The following RNASEH1 variants were observed in gnomAD, a reference collection of about 807,000 sequenced individuals.
RNASEH1 encodes ribonuclease H type II.
A neutral mutation model predicts 34.6 loss-of-function variants in RNASEH1; 27 were observed. The ratio of observed to expected loss-of-function variants is 0.78; its 90% CI spans 0.58 to 1.08. RNASEH1 has a LOEUF of 1.08. Ranked by LOEUF, RNASEH1 falls within the 50% of genes least tolerant of loss-of-function variation. The pLI is 0.00. For synonymous variants in RNASEH1, 162 were observed against 138.4 expected (o/e 1.17, Z -1.20); for missense variants, 349 against 373.6 (o/e 0.93, Z 0.54).
intron 7 of RNASEH1, 75 bp downstream of exon 7, chr2:3,547,856 T>TA (rs1210713276): frequency 5.7e-6 from 8 of 1,394,826 alleles, no homozygotes; most frequent in Non-Finnish European, 7.1e-6. Flanking sequence ...ACCACTTACA[T>TA]AAACCATTAA....
chr2:3,545,485 C>A lies in RNASEH1; in HGVS notation c.*300G>T. 2.9e-6 allele frequency: 1 copy of A among 340,600 alleles called. No individual in the cohort carries two copies. Among genetic ancestry groups the A allele is most frequent in the Non-Finnish European group, 5.4e-6 (1 of 186,090 alleles). 21.1% of individuals were successfully genotyped at this position (340,600 alleles called of 1,614,324 possible). A position where few individuals can be genotyped will look rare whatever the true frequency, so the allele number is the denominator to read the frequency against. Reference sequence around the variant, plus strand: ...TTTCTTATCAAAATATAAGCCACAGCATTTTAGGCCATTTGCCTTGCTTGC... The same window carrying A: ...TTTCTTATCAAAATATAAGCCACAGAATTTTAGGCCATTTGCCTTGCTTGC... On this transcript the variant is annotated 3_prime_UTR_variant, in exon 8 of 8. Coordinates refer to ENST00000315212, the MANE Select transcript of RNASEH1 (RefSeq NM_002936.6).
At chr2:3,547,413 T>C (rs959114573) in intron 7 of RNASEH1, among the ~76,000 whole-genome samples, 7 of 152,008 alleles carry the variant, frequency 4.6e-5, no homozygotes, top group African/African-American at 1.7e-4. Flanking sequence ...TTGGCTTAAG[T>C]AGTCAGGCCA....
At chr2:3,549,026 A>C (rs890347834) in intron 5 of RNASEH1, 32 bp downstream of exon 5, 1 of 1,571,430 alleles carries the variant, frequency 6.4e-7, no homozygotes, top group Non-Finnish European at 8.7e-7. Flanking sequence ...AATGCTCAAA[A>C]AAGAGAGGCT....
downstream of RNASEH1, among the ~76,000 whole-genome samples, chr2:3,537,728 A>G (rs1668057371): frequency 6.6e-6 from 1 of 152,064 alleles, no homozygotes; most frequent in Non-Finnish European, 1.5e-5. Flanking sequence ...CTCAAAAGAA[A>G]AAAAAAAAGA....
At position 3,552,286 on chromosome 2, in the gene RNASEH1, T is replaced by C. The variant is rs1415890281; in HGVS notation, c.267A>G (p.Gln89=). The part of the protein sequence containing the change: ...VSEGHENQHG[Q]ESEAKASKRL... The stretch of plus-strand genomic sequence containing the variant: ...GCTTGCTGGCTTTCGCCTCCGATTC[T>C]TGTCCATGTTGATTTTCATGCCCTG... Residue 89 remains glutamine, a synonymous_variant, in exon 3 of 8, where the codon CAA becomes CAG. Coordinates refer to ENST00000315212, the MANE Select transcript of RNASEH1 (RefSeq NM_002936.6). 3 of 1,613,672 alleles carry C rather than the reference T, an allele frequency of 1.9e-6. No individual in the cohort carries two copies. Among genetic ancestry groups the C allele is most frequent in the Non-Finnish European group, 1.7e-6 (2 of 1,179,930 alleles).
At chr2:3,557,854 G>A (rs768191609) in intron 1 of RNASEH1, 51 of 1,441,002 alleles carry the variant, frequency 3.5e-5, no homozygotes, top group Non-Finnish European at 4.6e-5. Context: ...CTGCAACAAA[G>A]ATGGAGGATT....
chr2:3,551,806 A>G (rs1558455258), intron 3 of RNASEH1, among the ~76,000 whole-genome samples: 1 of 152,218 alleles, frequency 6.6e-6, no homozygotes. Context: ...GTGCTAATCA[A>G]TTATAACAAG....
At chr2:3,555,486 C>T (rs1660398818) in intron 2 of RNASEH1, among the ~76,000 whole-genome samples, 1 of 152,166 alleles carries the variant, frequency 6.6e-6, no homozygotes, top group Non-Finnish European at 1.5e-5. Flanking sequence ...GTCGACCCTG[C>T]TTTGCAAACT....
the RNASEH1 span, among the ~76,000 whole-genome samples, chr2:3,536,297 C>T: frequency 3.3e-5 from 5 of 152,210 alleles, no homozygotes; most frequent in South Asian, 2.1e-4. Context: ...GGAGCTGACT[C>T]GGCTGCAGTT....
chr2:3,538,358 A>AAT (rs1553336555), downstream of RNASEH1, among the ~76,000 whole-genome samples: 1 of 151,040 alleles, frequency 6.6e-6, no homozygotes, highest in East Asian at 1.9e-4. Flanking sequence ...ATCTCAAAAA[A>AAT]ATATATATAA....
At position 3,558,233 on chromosome 2, in the gene RNASEH1, T is replaced by A; in HGVS notation, c.28A>T (p.Arg10Ter). The A allele has an allele frequency of 6.3e-7, 1 of 1,597,966 alleles. No individual in the cohort carries two copies. Among genetic ancestry groups the A allele is most frequent in the Non-Finnish European group, 8.5e-7 (1 of 1,174,430 alleles). Residue 10 changes from arginine to a stop codon, truncating the protein, a stop_gained, in exon 1 of 8, where the codon AGA becomes TGA. Coordinates refer to ENST00000315212, the MANE Select transcript of RNASEH1 (RefSeq NM_002936.6). LOFTEE classifies it high-confidence loss of function. ...CAGGGCAAGGCGGCCAAGGCGACTC[T>A]GTGGGCCAGGAACAGAAGCCAGCTC... is the stretch of plus-strand genomic sequence containing the variant. MSWLLFLAH[R>*]VALAALPCRR...
chr2:3,556,985 TAC>T, intron 1 of RNASEH1, 81 bp from the exon 2 acceptor site: 1 of 1,063,196 alleles, frequency 9.4e-7, no homozygotes, highest in Non-Finnish European at 1.4e-6. Context: ...AGGTTGGAAA[TAC>T]AGTTGTCCCT....
Position 3,545,720 on chromosome 2 carries a change from C to T in RNASEH1, c.*65G>A. On this transcript the variant is annotated 3_prime_UTR_variant, in exon 8 of 8. Coordinates refer to ENST00000315212, the MANE Select transcript of RNASEH1 (RefSeq NM_002936.6). ...TCCTACCTGCAGGCTATTTTCCACACCAGTAAGTACAGGCAGCAAGACAGC... is the reference window on the plus strand; with the variant it reads ...TCCTACCTGCAGGCTATTTTCCACATCAGTAAGTACAGGCAGCAAGACAGC... The T allele has an allele frequency of 6.4e-6, 7 of 1,097,626 alleles. No homozygotes were observed. Among genetic ancestry groups the T allele is most frequent in the South Asian group, 1.2e-5 (1 of 80,666 alleles). 68.0% of individuals were successfully genotyped at this position (1,097,626 alleles called of 1,614,324 possible).
chr2:3,557,873 G>C lies in RNASEH1; in HGVS notation c.128+260C>G, dbSNP rs563542279. 22 of 1,480,032 alleles carry C rather than the reference G, an allele frequency of 1.5e-5. No homozygotes were observed. In the African/African-American group the frequency reaches 2.7e-4, roughly 18 times the overall value. 91.7% of individuals were successfully genotyped at this position (1,480,032 alleles called of 1,614,324 possible). On this transcript the variant is annotated intron_variant, in intron 1 of 7. Coordinates refer to ENST00000315212, the MANE Select transcript of RNASEH1 (RefSeq NM_002936.6). ...AACAAAGATGGAGGATTAAACACAG[G>C]GTTTATTAGGCCACCCCTAACCTTT...
chr2:3,548,088 CTT>C, intron 6 of RNASEH1, 33 bp from the exon 7 acceptor site: 1 of 1,612,990 alleles, frequency 6.2e-7, no homozygotes, highest in Non-Finnish European at 8.5e-7. Flanking sequence ...GTGAGTCAAT[CTT>C]GAGTGTCCTG....
chr2:3,540,018 C>T (rs1006140218), downstream of RNASEH1, among the ~76,000 whole-genome samples: 1 of 151,974 alleles, frequency 6.6e-6, no homozygotes, highest in Non-Finnish European at 1.5e-5. Flanking sequence ...CTTCAGGCTT[C>T]AGCAATGGGG....
At chr2:3,551,232 C>T (rs1044428368) in intron 3 of RNASEH1, among the ~76,000 whole-genome samples, 3 of 152,196 alleles carry the variant, frequency 2.0e-5, no homozygotes, top group African/African-American at 7.2e-5. Flanking sequence ...CTCACAGGAG[C>T]GGGGCTGAGA....
At chr2:3,558,062 G>A in intron 1 of RNASEH1, 71 bp downstream of exon 1, 1 of 1,501,598 alleles carries the variant, frequency 6.7e-7, no homozygotes, top group Non-Finnish European at 8.9e-7. Context: ...CCGCCGCCGG[G>A]GTTAGCCGGG....
intron 2 of RNASEH1, among the ~76,000 whole-genome samples, chr2:3,556,578 G>C (rs1231413926): frequency 6.6e-6 from 1 of 152,196 alleles, no homozygotes; most frequent in African/African-American, 2.4e-5. Context: ...GAATGGAACA[G>C]GAGAGCTGAG....
Sources: gnomAD v4.1 joint callset for allele counts (sites outside exome capture counted in the v4.1 genomes callset) on GRCh38, gnomAD v4.1.1 for gene constraint, MANE v1.5 for transcripts, NCBI Gene and HGNC (gene_info 2026-07-23, HGNC 2026-07-21) for gene names.